The following STIL variants were observed in gnomAD, a reference collection of about 807,000 sequenced individuals.
STIL encodes the protein SCL-interrupting locus protein.
In STIL, 55 loss-of-function variants were observed where a neutral mutation model predicts 110.1. The observed-to-expected ratio is 0.50, with a 90% CI of 0.40 to 0.63. STIL has a LOEUF of 0.63. STIL is among the 20% of genes least tolerant of loss of function. The probability of loss-of-function intolerance (pLI) is 0.00; values close to 1 mark genes in which losing one functional copy is unlikely to be tolerated. For synonymous variants in STIL, 481 were observed against 530.0 expected (o/e 0.91, Z 1.27); for missense variants, 1,358 against 1,530.0 (o/e 0.89, Z 1.87).
intron 2 of STIL, among the ~76,000 whole-genome samples, chr1:47,305,725 C>CT (rs71572652): frequency 0.38 from 16,538 of 43,554 alleles, 4,699 homozygotes; most frequent in South Asian, 0.5. Flanking sequence ...CACGCCTGGC[C>CT]TTTTTTTTTT....
At position 47,269,674 on chromosome 1, in the gene STIL, G is replaced by T; in HGVS notation, c.2576C>A (p.Ala859Asp). 1 of 1,614,118 alleles carries T rather than the reference G, an allele frequency of 6.2e-7. No individual in the cohort carries two copies. The change falls in exon 14 of 17, where the codon GCT (alanine) becomes GAT (aspartate). Residue 859 changes from alanine to aspartate, a missense_variant. Coordinates refer to ENST00000371877, the MANE Select transcript of STIL (RefSeq NM_001048166.1). ...TGGCTGGTTAAATTCTTCTTCCACA[G>T]CAATGTTGCTCTCTTCAAAACTGGG... ...DIPSFEESNI[A>D]VEEEFNQPLS...
chr1:47,287,532 TAAC>T lies in STIL; in HGVS notation c.1133+16_1133+18del, dbSNP rs1396787640. The T allele has an allele frequency of 6.6e-7, 1 of 1,520,618 alleles. No homozygotes were observed. Among genetic ancestry groups the T allele is most frequent in the Admixed American group, 1.7e-5 (1 of 58,074 alleles). The allele number at this position is 1,520,618 out of a possible 1,614,324, so 94.2% of individuals were successfully genotyped here. A position where few individuals can be genotyped will look rare whatever the true frequency, so the allele number is the denominator to read the frequency against. On this transcript the variant is annotated intron_variant, in intron 10 of 16. Coordinates refer to ENST00000371877, the MANE Select transcript of STIL (RefSeq NM_001048166.1). ...AATTTTTAAAAAAACACACACATAA[TAAC>T]AAAAAGATCTTTTACCTCTTAATTG...
At chr1:47,284,917 T>C (rs1379572674) in intron 10 of STIL, among the ~76,000 whole-genome samples, 1 of 151,380 alleles carries the variant, frequency 6.6e-6, no homozygotes, top group African/African-American at 2.4e-5. Flanking sequence ...AAGACTGACT[T>C]CCTGGAGGGA....
intron 12 of STIL, among the ~76,000 whole-genome samples, chr1:47,273,214 T>C (rs769013762): frequency 1.3e-5 from 2 of 152,252 alleles, no homozygotes; most frequent in African/African-American, 4.8e-5. Context: ...AATTGAGATA[T>C]AATTCATGTA....
At chr1:47,290,817 A>C (rs545500541) in intron 8 of STIL, among the ~76,000 whole-genome samples, 1 of 152,212 alleles carries the variant, frequency 6.6e-6, no homozygotes, top group Non-Finnish European at 1.5e-5. Context: ...TTTTTCATCT[A>C]TCAGGTTAGC....
chr1:47,284,877 G>GA (rs1211891106), intron 10 of STIL, among the ~76,000 whole-genome samples: 1 of 147,288 alleles, frequency 6.8e-6, no homozygotes, highest in African/African-American at 2.7e-5. Flanking sequence ...GTGACAGAGT[G>GA]AGACCCTATC....
chr1:47,308,488 T>C (rs1218445672), intron 2 of STIL, among the ~76,000 whole-genome samples: 1 of 151,490 alleles, frequency 6.6e-6, no homozygotes, highest in Non-Finnish European at 1.5e-5. Context: ...GAGATCACCA[T>C]GTTAAGTGAA....
chr1:47,274,329 G>C (rs1570118054), intron 12 of STIL, among the ~76,000 whole-genome samples: 1 of 151,108 alleles, frequency 6.6e-6, no homozygotes, highest in Non-Finnish European at 1.5e-5. Context: ...TTCTTTCTCA[G>C]AACTTTTCTT....
intron 2 of STIL, 27 bp from the exon 3 acceptor site, chr1:47,305,023 A>G: frequency 3.2e-6 from 5 of 1,552,410 alleles, no homozygotes; most frequent in Non-Finnish European, 4.4e-6. Flanking sequence ...GTAAAATTAA[A>G]GCACAAGGAA....
chr1:47,272,189 G>T lies in STIL; in HGVS notation c.2270C>A (p.Thr757Asn), dbSNP rs770627956. 1.9e-6 allele frequency: 3 copies of T among 1,614,200 alleles called. No individual in the cohort carries two copies. The highest frequency in any genetic ancestry group is 1.3e-5 in the African/African-American group (1 of 75,052). Residue 757 changes from threonine to asparagine, a missense_variant, in exon 13 of 17, where the codon ACT becomes AAT. Thr to Asn is a moderately conservative substitution (Grantham distance 65, BLOSUM62 0). Coordinates refer to ENST00000371877, the MANE Select transcript of STIL (RefSeq NM_001048166.1). The stretch of plus-strand genomic sequence containing the variant: ...AGCTTGCACTGTGTCTTCAACAGCA[G>T]TTGTCTTAGGGGAACAGGGCATCAG... ...QSLMPCSPKT[T>N]AVEDTVQAGR...
intron 10 of STIL, among the ~76,000 whole-genome samples, chr1:47,286,524 T>C (rs1374914936): frequency 2.6e-5 from 4 of 151,338 alleles, no homozygotes; most frequent in Admixed American, 2.0e-4. Context: ...CTGGCTAACA[T>C]AGTGAAACTC....
intron 9 of STIL, among the ~76,000 whole-genome samples, chr1:47,288,221 TA>T (rs1271731704): frequency 6.6e-6 from 1 of 151,860 alleles, no homozygotes; most frequent in Non-Finnish European, 1.5e-5. Flanking sequence ...GTCTGAGACC[TA>T]AAATAACCAA....
chr1:47,267,535 T>C (rs1486035167), intron 14 of STIL, among the ~76,000 whole-genome samples: 1 of 151,946 alleles, frequency 6.6e-6, no homozygotes, highest in African/African-American at 2.4e-5. Context: ...CAAAACCCTG[T>C]CTCTACTAAA....
chr1:47,308,764 A>G (rs138080089), intron 2 of STIL, among the ~76,000 whole-genome samples: 1 of 152,296 alleles, frequency 6.6e-6, no homozygotes, highest in East Asian at 1.9e-4. Context: ...AACATTTAAA[A>G]ATAATTAGGC....
chr1:47,269,834 C>T lies in STIL; in HGVS notation c.2416G>A (p.Asp806Asn). Reference sequence around the variant, plus strand: ...TTCATTTGAGAGTCAGGCTCTTGATCCTCACCTGCTGCATTCCAAAACAAG... The same window carrying T: ...TTCATTTGAGAGTCAGGCTCTTGATTCTCACCTGCTGCATTCCAAAACAAG... ...ASLFWNAAGE[D>N]QEPDSQMKQD... is the part of the protein sequence containing the mutation. Residue 806 changes from aspartate (D) to asparagine (N), a missense_variant, in exon 14 of 17, where the codon GAT (aspartate) becomes AAT (asparagine). By Grantham distance (23) the Asp-to-Asn change is conservative. Coordinates refer to ENST00000371877, the MANE Select transcript of STIL (RefSeq NM_001048166.1). 2 of 1,614,150 alleles carry T rather than the reference C, an allele frequency of 1.2e-6. No individual in the cohort carries two copies. The highest frequency in any genetic ancestry group is 1.7e-6 in the Non-Finnish European group (2 of 1,180,030).
chr1:47,293,118 T>C (rs1570229310), intron 8 of STIL, among the ~76,000 whole-genome samples: 1 of 152,282 alleles, frequency 6.6e-6, no homozygotes, highest in East Asian at 1.9e-4. Flanking sequence ...AGGTAACAAA[T>C]CCAAACTCAT....
In STIL at chr1:47,276,815, A is replaced by T. The variant is rs1645006753; in HGVS notation, c.2217+3426T>A. ...GGTGAAAGAGTAAAACTCTGCCTAA[A>T]AAAAAAAAAAAAAAAAAAAAAAAAC... On this transcript the variant is annotated intron_variant, in intron 12 of 16. Transcript: ENST00000371877. Among the ~76,000 whole-genome samples, 6 of 10,868 alleles carry T rather than the reference A, an allele frequency of 5.5e-4. No homozygotes were observed. In the South Asian group the frequency reaches 8.6e-3, roughly 16 times the overall value. 7.1% of individuals were successfully genotyped at this position (10,868 alleles called of 152,430 possible).
At chr1:47,279,735 A>AG (rs1645098976) in intron 12 of STIL, among the ~76,000 whole-genome samples, 1 of 151,520 alleles carries the variant, frequency 6.6e-6, no homozygotes. Flanking sequence ...CTCAAAAAAA[A>AG]AAAAAAAAAA....
At chr1:47,288,266 C>T (rs1022129511) in intron 9 of STIL, among the ~76,000 whole-genome samples, 2 of 151,524 alleles carry the variant, frequency 1.3e-5, no homozygotes, top group African/African-American at 4.8e-5. Flanking sequence ...TGAATATTTT[C>T]ATATAATGAC....
Sources: gnomAD v4.1 joint callset for allele counts (sites outside exome capture counted in the v4.1 genomes callset) on GRCh38, gnomAD v4.1.1 for gene constraint, MANE v1.5 for transcripts, NCBI Gene and HGNC (gene_info 2026-07-23, HGNC 2026-07-21) for gene names.